Variants in LDLRAD4 observed in about 807,000 individuals in gnomAD.
LDLRAD4 encodes the protein low-density lipoprotein receptor class A domain-containing protein 4.
A neutral mutation model predicts 17.0 loss-of-function variants in LDLRAD4; 5 were observed. The observed-to-expected ratio is 0.29, with a 90% confidence interval of 0.15 to 0.62. LDLRAD4 has a LOEUF of 0.62. Among genes scored for constraint, LDLRAD4 ranks in the 20% least tolerant of loss-of-function variants. The pLI, the probability that LDLRAD4 is intolerant of heterozygous loss-of-function variation, is 0.84. For synonymous variants in LDLRAD4, 168 were observed against 171.8 expected (o/e 0.98, Z 0.17); for missense variants, 340 against 424.7 (o/e 0.80, Z 1.75).
intron 2 of LDLRAD4, 100 bp from the exon 4 acceptor site, chr18:13,438,144 C>A: frequency 9.4e-7 from 1 of 1,064,044 alleles, no homozygotes; most frequent in Non-Finnish European, 1.4e-6. Flanking sequence ...CCCAAACAAT[C>A]ATGGCATGCA....
chr18:13,319,424 T>C (rs906997212), intron 1 of LDLRAD4, among the ~76,000 whole-genome samples: 1 of 152,138 alleles, frequency 6.6e-6, no homozygotes, highest in African/African-American at 2.4e-5. Flanking sequence ...CAATCCTTGG[T>C]CTTGGATACA....
chr18:13,612,773 A>G, intron 3 of LDLRAD4: 1 of 1,614,102 alleles, frequency 6.2e-7, no homozygotes, highest in African/African-American at 1.3e-5. Flanking sequence ...TCTTAAAAAA[A>G]GGTACATTTC....
chr18:13,488,672 C>T (rs1352534506), intron 3 of LDLRAD4: 1 of 147,346 alleles, frequency 6.8e-6, no homozygotes, highest in Non-Finnish European at 1.5e-5. Context: ...GATCTTAGTT[C>T]CTGAGCCTCC....
intron 1 of LDLRAD4, among the ~76,000 whole-genome samples, chr18:13,247,277 G>T (rs73417364): frequency 0.045 from 6,916 of 152,202 alleles, 409 homozygotes; most frequent in East Asian, 0.33. Flanking sequence ...CGAAGATTGT[G>T]CAGAGTTCCT....
chr18:13,457,530 A>G (rs2092207131), intron 3 of LDLRAD4, among the ~76,000 whole-genome samples: 1 of 152,180 alleles, frequency 6.6e-6, no homozygotes, highest in African/African-American at 2.4e-5. Flanking sequence ...GAGGAGAGAG[A>G]TGTTTTGCCT....
At chr18:13,454,751 A>ACGTGTGG (rs57268530) in intron 3 of LDLRAD4, among the ~76,000 whole-genome samples, 25 of 152,048 alleles carry the variant, frequency 1.6e-4, no homozygotes, top group African/African-American at 6.0e-4. Flanking sequence ...CCTGGTCCAG[A>ACGTGTGG]AGGTGCTGGA....
exon 6 of LDLRAD4, chr18:13,652,619 C>T (rs1479325318): frequency 6.6e-6 from 1 of 152,584 alleles, no homozygotes; most frequent in East Asian, 1.9e-4. Context: ...GACCTAAGGT[C>T]TGTAATTGCA....
At chr18:13,387,674 T>C in exon 2 of LDLRAD4, 1 of 1,595,322 alleles carries the variant, frequency 6.3e-7, no homozygotes, top group Non-Finnish European at 8.6e-7. Flanking sequence ...GGCGGCTTCC[T>C]CGACGGGACA....
rs772318003 is a variant in LDLRAD4 at position 13,622,613 on chromosome 18, G to A, written c.336+1342G>A. 9.9e-5 allele frequency among the ~76,000 whole-genome samples: 15 copies of A among 152,148 alleles called. No homozygotes were observed. The highest frequency in any genetic ancestry group is 2.1e-4 in the Non-Finnish European group (14 of 68,034). ...CTTTGTCTGGTGTCCACAGAGCTGC[G>A]CCATCCAGACGCACTGAACACTTTG... On this transcript the variant is annotated intron_variant, in intron 4 of 5. Coordinates refer to ENST00000359446, the Ensembl canonical transcript of LDLRAD4. The surrounding 1 kb of genome is among the most constrained non-coding windows in gnomAD (Gnocchi z 5.3).
intron 1 of LDLRAD4, among the ~76,000 whole-genome samples, chr18:13,239,075 T>C (rs565894358): frequency 6.6e-6 from 1 of 151,556 alleles, no homozygotes; most frequent in Admixed American, 6.6e-5. Flanking sequence ...TAATCCCAGC[T>C]ACTCAGGGGG....
At chr18:13,346,933 C>T (rs1249424502) in intron 1 of LDLRAD4, among the ~76,000 whole-genome samples, 2 of 152,218 alleles carry the variant, frequency 1.3e-5, no homozygotes, top group Non-Finnish European at 2.9e-5. Context: ...GGTAGATCTT[C>T]CTCCATCCCT....
At chr18:13,642,782 C>T in intron 4 of LDLRAD4, 1 of 1,217,446 alleles carries the variant, frequency 8.2e-7, no homozygotes. Context: ...CCATATTCCA[C>T]TTCAAATCTA....
chr18:13,463,753 C>G (rs1386861931), intron 3 of LDLRAD4, among the ~76,000 whole-genome samples: 1 of 152,204 alleles, frequency 6.6e-6, no homozygotes, highest in African/African-American at 2.4e-5. Context: ...TTCAGGCCAG[C>G]TTGACAGCCA....
chr18:13,593,216 G>A (rs1410440671), intron 3 of LDLRAD4, among the ~76,000 whole-genome samples: 1 of 152,192 alleles, frequency 6.6e-6, no homozygotes, highest in African/African-American at 2.4e-5. Flanking sequence ...AGGAGGCTGA[G>A]GCAGAAGAAT....
intron 3 of LDLRAD4, among the ~76,000 whole-genome samples, chr18:13,480,406 C>T (rs943859416): frequency 3.9e-5 from 6 of 152,004 alleles, no homozygotes; most frequent in South Asian, 2.1e-4. Context: ...GCCAGGGTAG[C>T]GGGGAGGGAG....
At chr18:13,304,083 C>G (rs999596554) in intron 1 of LDLRAD4, among the ~76,000 whole-genome samples, 9 of 152,190 alleles carry the variant, frequency 5.9e-5, no homozygotes, top group East Asian at 1.9e-4. Flanking sequence ...GGGGTCTGGT[C>G]CCCCCGGGAG....
At chr18:13,620,775 A>C in intron 3 of LDLRAD4, 1 of 307,942 alleles carries the variant, frequency 3.2e-6, no homozygotes, top group Non-Finnish European at 6.2e-6. Flanking sequence ...CCCTAGGGGA[A>C]TTGCTTTGAG....
intron 1 of LDLRAD4, among the ~76,000 whole-genome samples, chr18:13,329,295 C>G (rs2081714835): frequency 6.6e-6 from 1 of 152,206 alleles, no homozygotes; most frequent in Non-Finnish European, 1.5e-5. Flanking sequence ...AGGCCTGTTT[C>G]TCTGCATCTT....
intron 3 of LDLRAD4, among the ~76,000 whole-genome samples, chr18:13,558,532 C>T (rs1161791371): frequency 6.6e-6 from 1 of 152,210 alleles, no homozygotes; most frequent in Non-Finnish European, 1.5e-5. Context: ...TAGCTGTAAC[C>T]CGAAGAATTG....
Sources: gnomAD v4.1 joint callset for allele counts (sites outside exome capture counted in the v4.1 genomes callset) on GRCh38, gnomAD v4.1.1 for gene constraint, Gnocchi (gnomAD v3.1) non-coding constraint, MANE v1.5 for transcripts, NCBI Gene and HGNC (gene_info 2026-07-23, HGNC 2026-07-21) for gene names.